SUPT3H: variants seen among roughly 807,000 people sequenced by gnomAD.
The protein encoded by SUPT3H is transcription initiation protein SPT3 homolog.
Under a neutral mutation model 44.3 loss-of-function variants are expected in SUPT3H, and 44 were observed. That is an observed-to-expected ratio of 0.99 (90% CI 0.78 to 1.28). The LOEUF (loss-of-function observed/expected upper bound fraction) is 1.28. SUPT3H is among the 50% of genes most tolerant of loss of function. SUPT3H has a pLI of 0.00. For missense variants in SUPT3H, 380 were observed against 387.1 expected (o/e 0.98, Z 0.15); for synonymous variants, 124 against 125.6 (o/e 0.99, Z 0.09).
intron 6 of SUPT3H, among the ~76,000 whole-genome samples, chr6:44,997,044 A>G (rs1781364306): frequency 1.3e-5 from 2 of 151,662 alleles, no homozygotes; most frequent in African/African-American, 4.8e-5. Context: ...GTTTCATGGA[A>G]TCTTATATTA....
chr6:45,227,743 G>A (rs1280556515), intron 2 of SUPT3H, among the ~76,000 whole-genome samples: 1 of 152,012 alleles, frequency 6.6e-6, no homozygotes, highest in Non-Finnish European at 1.5e-5. Context: ...AGAATAATAA[G>A]AAAAGGTCCA....
At chr6:44,879,688 A>G (rs569943099) in intron 10 of SUPT3H, among the ~76,000 whole-genome samples, 6 of 151,560 alleles carry the variant, frequency 4.0e-5, no homozygotes, top group African/African-American at 1.4e-4. Context: ...TCTGGCTGGC[A>G]TCTGGCGGGT....
intron 2 of SUPT3H, among the ~76,000 whole-genome samples, chr6:45,361,922 A>G (rs1407228805): frequency 6.6e-6 from 1 of 152,152 alleles, no homozygotes; most frequent in Non-Finnish European, 1.5e-5. Context: ...GTGGTAGCGC[A>G]TGCCTGTATT....
At chr6:45,279,907 C>T (rs546624086) in intron 2 of SUPT3H, among the ~76,000 whole-genome samples, 3 of 152,208 alleles carry the variant, frequency 2.0e-5, no homozygotes, top group Middle Eastern at 3.4e-3. Context: ...ATAACCAAAA[C>T]TTAATTTCTA....
At chr6:44,818,443 G>A (rs955563252) in intron 11 of SUPT3H, among the ~76,000 whole-genome samples, 2 of 152,038 alleles carry the variant, frequency 1.3e-5, no homozygotes, top group African/African-American at 4.8e-5. Flanking sequence ...TACAGTATAA[G>A]CCATAAAAGA....
chr6:45,245,326 A>G (rs183058202), intron 2 of SUPT3H, among the ~76,000 whole-genome samples: 1 of 152,252 alleles, frequency 6.6e-6, no homozygotes, highest in African/African-American at 2.4e-5. Flanking sequence ...ACCATTCTTA[A>G]GGTTAAAATT....
intron 5 of SUPT3H, among the ~76,000 whole-genome samples, chr6:45,006,814 T>A (rs1782784286): frequency 6.6e-6 from 1 of 152,174 alleles, no homozygotes; most frequent in South Asian, 2.1e-4. Flanking sequence ...ATTTCACCAG[T>A]ATTTTAAGAA....
intron 3 of SUPT3H, among the ~76,000 whole-genome samples, chr6:45,045,180 T>C (rs1356698523): frequency 1.3e-5 from 2 of 152,030 alleles, no homozygotes. Context: ...ATTATAAACC[T>C]TAGAATTTCA....
At chr6:45,262,145 C>T (rs1233820527) in intron 2 of SUPT3H, among the ~76,000 whole-genome samples, 2 of 152,108 alleles carry the variant, frequency 1.3e-5, no homozygotes, top group East Asian at 3.9e-4. Flanking sequence ...AATGGCCATA[C>T]TGCACAAGGC....
At chr6:44,946,438 T>C (rs1773353625) in intron 9 of SUPT3H, among the ~76,000 whole-genome samples, 1 of 152,224 alleles carries the variant, frequency 6.6e-6, no homozygotes, top group South Asian at 2.1e-4. Flanking sequence ...TTATTCTACA[T>C]GCCATTAAGA....
chr6:45,120,101 T>C (rs1241903902), intron 2 of SUPT3H, among the ~76,000 whole-genome samples: 2 of 152,084 alleles, frequency 1.3e-5, no homozygotes, highest in East Asian at 1.9e-4. Flanking sequence ...ATTACCCAAG[T>C]AACATAGTTA....
chr6:45,146,700 T>G (rs140055582), intron 2 of SUPT3H, among the ~76,000 whole-genome samples: 1 of 152,256 alleles, frequency 6.6e-6, no homozygotes, highest in East Asian at 1.9e-4. Flanking sequence ...CAAAAGGTGG[T>G]TGGCCTTATA....
rs577784016 is a variant in SUPT3H, at chr6:45,283,732, A to G, written c.101+81469T>C. Reference sequence around the variant, plus strand: ...AATTGAACTCAGCTTTTCACCAAACAGACATAATAGACATCTACAGAACTC... The same window carrying G: ...AATTGAACTCAGCTTTTCACCAAACGGACATAATAGACATCTACAGAACTC... On this transcript the variant is annotated intron_variant, in intron 2 of 10. Transcript: ENST00000371459. Among the ~76,000 whole-genome samples, 350 of 151,660 alleles carry G rather than the reference A, an allele frequency of 2.3e-3. 3 individuals are homozygous for G. The highest frequency in any genetic ancestry group is 4.7e-3 in the Admixed American group (71 of 15,170).
intron 2 of SUPT3H, among the ~76,000 whole-genome samples, chr6:45,207,545 A>G (rs1352345105): frequency 6.6e-6 from 1 of 152,198 alleles, no homozygotes; most frequent in African/African-American, 2.4e-5. Context: ...AGTAAAATTC[A>G]TGCAAGTCTG....
At chr6:45,338,177 C>T (rs574291646) in intron 2 of SUPT3H, among the ~76,000 whole-genome samples, 317 of 152,038 alleles carry the variant, frequency 2.1e-3, no homozygotes, top group Non-Finnish European at 3.7e-3. Flanking sequence ...ACAGCTAATG[C>T]CTGTATTAGG....
At chr6:45,117,781 G>A (rs1801048360) in intron 2 of SUPT3H, among the ~76,000 whole-genome samples, 1 of 152,052 alleles carries the variant, frequency 6.6e-6, no homozygotes, top group Admixed American at 6.6e-5. Context: ...ATATATTCCA[G>A]TTGTACTACA....
intron 5 of SUPT3H, among the ~76,000 whole-genome samples, chr6:45,008,350 T>C (rs2096942106): frequency 6.6e-6 from 1 of 152,092 alleles, no homozygotes; most frequent in Non-Finnish European, 1.5e-5. Context: ...GTTATTATCA[T>C]TTTGTGTGTT....
intron 2 of SUPT3H, among the ~76,000 whole-genome samples, chr6:45,249,134 T>A (rs1771910935): frequency 6.6e-6 from 1 of 152,296 alleles, no homozygotes; most frequent in East Asian, 1.9e-4. Flanking sequence ...AGTTATTCTT[T>A]CCCAGATATA....
chr6:45,344,294 C>T lies in SUPT3H; in HGVS notation c.101+20907G>A, dbSNP rs1196102957. ...TTATTTCTTATACAGTTGGGAACCA[C>T]TTCATTTATACTTGGCCTAAACTTC... On this transcript the variant is annotated intron_variant, in intron 2 of 10. Transcript: ENST00000371459. Among the ~76,000 whole-genome samples, 3 of 152,294 alleles carry T rather than the reference C, an allele frequency of 2.0e-5. No homozygotes were observed. The East Asian group carries it at 5.8e-4, about 29-fold the overall frequency.
Sources: allele counts gnomAD v4.1 joint callset (sites outside exome capture counted in the v4.1 genomes callset), GRCh38; gene constraint gnomAD v4.1.1; transcripts MANE v1.5; gene names NCBI Gene and HGNC (gene_info 2026-07-23, HGNC 2026-07-21).